The following NRXN3 variants were observed in gnomAD, a reference collection of about 807,000 sequenced individuals.
The protein encoded by NRXN3 is neurexin III.
In NRXN3, 32 loss-of-function variants were observed where a neutral mutation model predicts 137.6. The observed-to-expected ratio is 0.23, with a 90% CI of 0.18 to 0.31. The LOEUF is 0.31. Ranked by LOEUF, NRXN3 falls within the 10% of genes least tolerant of loss-of-function variation. The pLI is 1.00. For missense variants in NRXN3, 1,574 were observed against 2,062.5 expected (o/e 0.76, Z 4.59); for synonymous variants, 798 against 784.5 (o/e 1.02, Z -0.29).
At chr14:78,484,431 A>G (rs564080390) in intron 4 of NRXN3, among the ~76,000 whole-genome samples, 1 of 152,312 alleles carries the variant, frequency 6.6e-6, no homozygotes, top group South Asian at 2.1e-4. Flanking sequence ...TGAGTCAGGA[A>G]GTATGAATTG....
At chr14:79,231,678 C>A (rs867899750) in intron 15 of NRXN3, among the ~76,000 whole-genome samples, 1 of 152,158 alleles carries the variant, frequency 6.6e-6, no homozygotes, top group African/African-American at 2.4e-5. Context: ...GTTCTGACTT[C>A]TCTGCTAATT....
At chr14:78,541,043 C>G (rs1246431276) in intron 4 of NRXN3, among the ~76,000 whole-genome samples, 1 of 152,102 alleles carries the variant, frequency 6.6e-6, no homozygotes, top group Non-Finnish European at 1.5e-5. Context: ...CTCTGGCTAC[C>G]CTTAACACTT....
chr14:78,810,569 C>T (rs903853087), intron 10 of NRXN3, among the ~76,000 whole-genome samples: 3 of 151,886 alleles, frequency 2.0e-5, no homozygotes, highest in African/African-American at 7.3e-5. Flanking sequence ...TCTCTTCTTT[C>T]CTTGCATTTG....
chr14:79,015,455 G>T (rs1282207791), intron 15 of NRXN3, among the ~76,000 whole-genome samples: 1 of 152,160 alleles, frequency 6.6e-6, no homozygotes, highest in Non-Finnish European at 1.5e-5. Flanking sequence ...TTGGCTGCTA[G>T]CTATGGCTGC....
intron 2 of NRXN3, among the ~76,000 whole-genome samples, chr14:78,244,462 C>G (rs2153454389): frequency 6.6e-6 from 1 of 151,698 alleles, no homozygotes; most frequent in South Asian, 2.1e-4. Flanking sequence ...AAGAAATTGG[C>G]AAATTTCTAC....
At chr14:79,226,707 CATTTA>C (rs1422719244) in intron 15 of NRXN3, among the ~76,000 whole-genome samples, 2 of 152,094 alleles carry the variant, frequency 1.3e-5, no homozygotes, top group Non-Finnish European at 2.9e-5. Flanking sequence ...ATTTCAGCTC[CATTTA>C]ATGACTTTTT....
intron 2 of NRXN3, among the ~76,000 whole-genome samples, chr14:78,251,080 G>A (rs998847146): frequency 2.6e-5 from 4 of 152,138 alleles, no homozygotes; most frequent in Non-Finnish European, 4.4e-5. Flanking sequence ...CCAAGGCTCC[G>A]GAGGTAGTTG....
At chr14:78,651,141 T>C in intron 5 of NRXN3, 24 bp from the exon 6 acceptor site, 1 of 1,606,160 alleles carries the variant, frequency 6.2e-7, no homozygotes. Context: ...TGGGATTTTT[T>C]TTGTCCCTAT....
chr14:78,582,747 GT>G (rs1370695339), intron 4 of NRXN3, among the ~76,000 whole-genome samples: 1 of 152,108 alleles, frequency 6.6e-6, no homozygotes, highest in Non-Finnish European at 1.5e-5. Context: ...CCAGCCTATG[GT>G]ATTCCACTAT....
At chr14:78,201,246 C>A (rs983880954) in intron 1 of NRXN3, among the ~76,000 whole-genome samples, 2 of 152,190 alleles carry the variant, frequency 1.3e-5, no homozygotes, top group Admixed American at 1.3e-4. Context: ...ACTTCTTCCT[C>A]GAGATCGTAG....
chr14:79,165,544 C>A (rs1311713903), intron 15 of NRXN3, among the ~76,000 whole-genome samples: 1 of 152,000 alleles, frequency 6.6e-6, no homozygotes, highest in Non-Finnish European at 1.5e-5. Flanking sequence ...GGAATCTATG[C>A]AGACACACAC....
intron 15 of NRXN3, among the ~76,000 whole-genome samples, chr14:79,334,524 G>A (rs1382840213): frequency 6.6e-6 from 1 of 152,162 alleles, no homozygotes; most frequent in African/African-American, 2.4e-5. Context: ...CAGGACAGGG[G>A]GTAAAGTGAG....
intron 10 of NRXN3, among the ~76,000 whole-genome samples, chr14:78,941,170 T>G (rs2099352188): frequency 6.6e-6 from 1 of 152,020 alleles, no homozygotes; most frequent in African/African-American, 2.4e-5. Context: ...CCTCGTGGAG[T>G]TCATAGCCAG....
At chr14:78,416,837 T>C (rs1233677158) in intron 4 of NRXN3, among the ~76,000 whole-genome samples, 1 of 152,170 alleles carries the variant, frequency 6.6e-6, no homozygotes, top group Non-Finnish European at 1.5e-5. Flanking sequence ...ACACCTGTGG[T>C]CTTGTGAAAT....
intron 15 of NRXN3, among the ~76,000 whole-genome samples, chr14:79,455,863 G>A (rs532240865): frequency 6.6e-6 from 1 of 151,496 alleles, no homozygotes; most frequent in African/African-American, 2.4e-5. Flanking sequence ...GTAAATTTCA[G>A]CTTTTATTTT....
At chr14:78,346,942 C>T (rs990532497) in intron 4 of NRXN3, among the ~76,000 whole-genome samples, 11 of 152,194 alleles carry the variant, frequency 7.2e-5, no homozygotes, top group Middle Eastern at 3.4e-3. Flanking sequence ...ACTTTGCTGA[C>T]AGCAAAGGGT....
chr14:79,081,914 G>A (rs1330029570), intron 15 of NRXN3, among the ~76,000 whole-genome samples: 2 of 152,044 alleles, frequency 1.3e-5, no homozygotes, highest in African/African-American at 4.8e-5. Context: ...CAAATAGTTT[G>A]AAAAGACATG....
chr14:79,317,772 T>G (rs2089157194), intron 15 of NRXN3, among the ~76,000 whole-genome samples: 2 of 152,338 alleles, frequency 1.3e-5, no homozygotes, highest in South Asian at 4.1e-4. Flanking sequence ...ATTTTAATCG[T>G]ATTCCTTTAT....
At chr14:79,537,217 T>C (rs919359147) in intron 16 of NRXN3, among the ~76,000 whole-genome samples, 4 of 152,134 alleles carry the variant, frequency 2.6e-5, no homozygotes, top group African/African-American at 9.7e-5. Context: ...TCAGTGATGT[T>C]GTTGAGCTTT....
Sources: gnomAD v4.1 joint callset for allele counts (sites outside exome capture counted in the v4.1 genomes callset) on GRCh38, gnomAD v4.1.1 for gene constraint, MANE v1.5 for transcripts, NCBI Gene and HGNC (gene_info 2026-07-23, HGNC 2026-07-21) for gene names.